The following TMEM184B variants were observed in gnomAD, a reference collection of about 807,000 sequenced individuals.
TMEM184B encodes the protein transmembrane protein 184B.
TMEM184B carries 17 observed loss-of-function variants against 41.8 expected under a neutral mutation model. That is an observed-to-expected ratio of 0.41 (90% CI 0.28 to 0.61). The LOEUF (loss-of-function observed/expected upper bound fraction) is 0.61, where lower values mean the gene tolerates loss of function less well. TMEM184B is among the 20% of genes least tolerant of loss of function. The pLI is 0.34. For synonymous variants in TMEM184B, 240 were observed against 229.5 expected, an observed-to-expected ratio of 1.05 and a Z score of -0.41; for missense variants, 393 against 557.8, an observed-to-expected ratio of 0.70 and a Z score of 2.98.
In TMEM184B at chr22:38,231,337, G is replaced by A. The variant is rs1602389239; in HGVS notation, c.359-3C>T. On this transcript the variant is annotated splice_region_variant and splice_polypyrimidine_tract_variant and intron_variant, in intron 3 of 8. Coordinates refer to ENST00000361906, the MANE Select transcript of TMEM184B (RefSeq NM_012264.5). ...CAGGAAATTATAGATGACCAAGGCT[G>A]CGAAGAGAGTGTCCAGGAGAAACCA... 6.2e-7 allele frequency: 1 copy of A among 1,613,458 alleles called. No individual in the cohort carries two copies. The highest frequency in any genetic ancestry group is 8.5e-7 in the Non-Finnish European group (1 of 1,179,338).
intron 5 of TMEM184B, among the ~76,000 whole-genome samples, chr22:38,227,611 G>A (rs1045546740): frequency 6.6e-6 from 1 of 152,182 alleles, no homozygotes; most frequent in African/African-American, 2.4e-5. Flanking sequence ...CAGGAGCCCA[G>A]AGCACGTGGA....
Position 38,220,413 on chromosome 22 carries a change from G to T in TMEM184B, c.*1056C>A. 1 of 985,970 alleles carries T rather than the reference G, an allele frequency of 1.0e-6. No individual in the cohort carries two copies. Among genetic ancestry groups the T allele is most frequent in the African/African-American group, 1.7e-5 (1 of 57,312 alleles). 61.1% of individuals were successfully genotyped at this position (985,970 alleles called of 1,614,324 possible). A position where few individuals can be genotyped will look rare whatever the true frequency, so the allele number is the denominator to read the frequency against. On this transcript the variant is annotated 3_prime_UTR_variant, in exon 9 of 9. Transcript: ENST00000361906. ...GAAGAGATGGGCCAGGGGCCAGATG[G>T]GGTAGAACACCAGGCCCTGTGTGGA...
intron 3 of TMEM184B, among the ~76,000 whole-genome samples, chr22:38,232,424 G>C (rs1175078924): frequency 6.6e-6 from 1 of 152,200 alleles, no homozygotes; most frequent in African/African-American, 2.4e-5. Context: ...CTGCCTGCAG[G>C]GTGCTAGAGG....
rs2091240643 is a variant in TMEM184B, at chr22:38,220,976, G to C, written c.*493C>G. ...GCCCACATCCCCACTCCTGCCCGGG[G>C]TGAGGTGAATCTAGCACTGGACAAA... On this transcript the variant is annotated 3_prime_UTR_variant, in exon 9 of 9. Coordinates refer to ENST00000361906, the MANE Select transcript of TMEM184B (RefSeq NM_012264.5). The C allele has an allele frequency of 1.0e-6, 1 of 990,784 alleles. No individual in the cohort carries two copies. Among genetic ancestry groups the C allele is most frequent in the South Asian group, 4.6e-5 (1 of 21,574 alleles). 61.4% of individuals were successfully genotyped at this position (990,784 alleles called of 1,614,324 possible).
chr22:38,226,712 C>G lies in TMEM184B; in HGVS notation c.617+67G>C. 1 of 1,496,384 alleles carries G rather than the reference C, an allele frequency of 6.7e-7. No homozygotes were observed. Among genetic ancestry groups the G allele is most frequent in the Non-Finnish European group, 9.1e-7 (1 of 1,100,296 alleles). 92.7% of individuals were successfully genotyped at this position (1,496,384 alleles called of 1,614,324 possible). ...TGCGGCCACTCTGGCTGCCCCCTTC[C>G]CTGAGCCAAGGCACCAGCCTGCGCC... On this transcript the variant is annotated intron_variant, in intron 6 of 8. Transcript: ENST00000361906. The surrounding 1 kb of genome is among the most constrained non-coding windows in gnomAD (Gnocchi z 4.6).
At chr22:38,260,937 G>A (rs939392063) in intron 1 of TMEM184B, among the ~76,000 whole-genome samples, 15 of 152,194 alleles carry the variant, frequency 9.9e-5, no homozygotes, top group African/African-American at 2.4e-4. Context: ...CTGGCAACCC[G>A]TTCACATATA....
At chr22:38,261,420 T>G (rs968290836) in intron 1 of TMEM184B, among the ~76,000 whole-genome samples, 69 of 152,280 alleles carry the variant, frequency 4.5e-4, no homozygotes, top group Admixed American at 7.2e-4. Context: ...CCCCTTCTCC[T>G]GGGCCAAGTT....
intron 1 of TMEM184B, among the ~76,000 whole-genome samples, chr22:38,248,694 C>A (rs928017500): frequency 4.6e-5 from 7 of 152,176 alleles, no homozygotes; most frequent in Admixed American, 1.3e-4. Context: ...GAATGCAGGC[C>A]CCCTGGGGAC....
intron 3 of TMEM184B, among the ~76,000 whole-genome samples, chr22:38,240,860 C>G (rs2091890814): frequency 6.6e-6 from 1 of 150,930 alleles, no homozygotes; most frequent in Non-Finnish European, 1.5e-5. Flanking sequence ...CTTCAAAATT[C>G]AAAGGGAGAA....
rs917838497 is a variant in TMEM184B, at chr22:38,257,321, T to C, written c.-58-9302A>G. Among the ~76,000 whole-genome samples, 4 of 152,278 alleles carry C rather than the reference T, an allele frequency of 2.6e-5. No individual in the cohort carries two copies. In the South Asian group the frequency reaches 6.2e-4, roughly 24 times the overall value. The stretch of plus-strand genomic sequence containing the variant: ...TTCCATTTCGTTTACAAAAACGTGA[T>C]TGGCATCAGGGAGGATGGAAATGTA... On this transcript the variant is annotated intron_variant, in intron 1 of 8. Transcript: ENST00000361906.
Position 38,225,309 on chromosome 22 carries a change from T to C in TMEM184B, c.787+115A>G. On this transcript the variant is annotated intron_variant, in intron 7 of 8. Coordinates refer to ENST00000361906, the MANE Select transcript of TMEM184B (RefSeq NM_012264.5). The surrounding 1 kb of genome is among the most constrained non-coding windows in gnomAD (Gnocchi z 4.4). Reference sequence around the variant, plus strand: ...CACCCCCAGCAAGTGCCCAGTGGGCTGAGGCCCCTCTGAACAGGCCCTACA... The same window carrying C: ...CACCCCCAGCAAGTGCCCAGTGGGCCGAGGCCCCTCTGAACAGGCCCTACA... 2 of 1,335,458 alleles carry C rather than the reference T, an allele frequency of 1.5e-6. No individual in the cohort carries two copies. The highest frequency in any genetic ancestry group is 2.0e-6 in the Non-Finnish European group (2 of 988,524). 82.7% of individuals were successfully genotyped at this position (1,335,458 alleles called of 1,614,324 possible). A position where few individuals can be genotyped will look rare whatever the true frequency, so the allele number is the denominator to read the frequency against.
intron 1 of TMEM184B, among the ~76,000 whole-genome samples, chr22:38,261,793 G>C (rs559403507): frequency 5.0e-4 from 76 of 152,314 alleles, no homozygotes; most frequent in African/African-American, 1.8e-3. Context: ...CCCCATGGGA[G>C]CAGGCTGTCT....
At position 38,225,307 on chromosome 22, in the gene TMEM184B, G is replaced by A; in HGVS notation, c.787+117C>T. On this transcript the variant is annotated intron_variant, in intron 7 of 8. Coordinates refer to ENST00000361906, the MANE Select transcript of TMEM184B (RefSeq NM_012264.5). This position sits in a 1 kb window ranked among gnomAD's most constrained non-coding sequence, Gnocchi z 4.4. ...TTCACCCCCAGCAAGTGCCCAGTGG[G>A]CTGAGGCCCCTCTGAACAGGCCCTA... The A allele has an allele frequency of 7.6e-7, 1 of 1,321,172 alleles. No homozygotes were observed. Among genetic ancestry groups the A allele is most frequent in the Non-Finnish European group, 1.0e-6 (1 of 976,270 alleles). 81.8% of individuals were successfully genotyped at this position (1,321,172 alleles called of 1,614,324 possible). A position where few individuals can be genotyped will look rare whatever the true frequency, so the allele number is the denominator to read the frequency against.
At chr22:38,224,728 G>A (rs1032591273) in intron 8 of TMEM184B, 57 bp downstream of exon 8, 1 of 1,508,836 alleles carries the variant, frequency 6.6e-7, no homozygotes, top group East Asian at 2.4e-5. Flanking sequence ...AGGGTCCTGG[G>A]ATGTTTGGGG....
chr22:38,233,011 C>T (rs1233322358), intron 3 of TMEM184B, among the ~76,000 whole-genome samples: 3 of 152,208 alleles, frequency 2.0e-5, no homozygotes, highest in Non-Finnish European at 4.4e-5. Flanking sequence ...TGACTGGTCT[C>T]CCCCTCTCGC....
chr22:38,266,474 C>T (rs1322612258), intron 1 of TMEM184B, among the ~76,000 whole-genome samples: 1 of 152,228 alleles, frequency 6.6e-6, no homozygotes, highest in Non-Finnish European at 1.5e-5. Flanking sequence ...TGACTCAATC[C>T]AGTGCCCTGT....
intron 1 of TMEM184B, among the ~76,000 whole-genome samples, chr22:38,271,557 GGA>G (rs1195684379): frequency 5.3e-5 from 8 of 152,282 alleles, no homozygotes; most frequent in Admixed American, 2.6e-4. Context: ...TCCTTATGAG[GGA>G]GTCTTTCCTG....
rs2091992195 is a variant in TMEM184B at position 38,245,017 on chromosome 22, G to C, written c.358+918C>G. Among the ~76,000 whole-genome samples the C allele has an allele frequency of 2.0e-5, 3 of 152,350 alleles. No homozygotes were observed. The South Asian group carries it at 6.2e-4, about 32-fold the overall frequency. ...TGGCCTGTGGTCGGAGCTCAGGATG[G>C]GAGCAGGTGATGTCTCCACTCCACA... On this transcript the variant is annotated intron_variant, in intron 3 of 8. Coordinates refer to ENST00000361906, the MANE Select transcript of TMEM184B (RefSeq NM_012264.5).
At chr22:38,252,306 C>T (rs1346738384) in intron 1 of TMEM184B, among the ~76,000 whole-genome samples, 3 of 152,150 alleles carry the variant, frequency 2.0e-5, no homozygotes, top group Non-Finnish European at 4.4e-5. Flanking sequence ...AGCGATCCTC[C>T]CATCTTGGCC....
Sources: allele counts gnomAD v4.1 joint callset (sites outside exome capture counted in the v4.1 genomes callset), GRCh38; gene constraint gnomAD v4.1.1; non-coding constraint Gnocchi (gnomAD v3.1); transcripts MANE v1.5; gene names NCBI Gene and HGNC (gene_info 2026-07-23, HGNC 2026-07-21).